XYLB: variants seen among roughly 807,000 people sequenced by gnomAD.
XYLB encodes xylulokinase.
A neutral mutation model predicts 78.7 loss-of-function variants in XYLB; 62 were observed. The observed-to-expected ratio is 0.79, with a 90% CI of 0.64 to 0.97. XYLB has a LOEUF of 0.97. Among genes scored for constraint, XYLB ranks in the 50% least tolerant of loss-of-function variants. XYLB has a pLI of 0.00. For missense variants in XYLB, 687 were observed against 676.8 expected (o/e 1.02, Z -0.17); for synonymous variants, 245 against 247.4 (o/e 0.99, Z 0.09).
intron 2 of XYLB, among the ~76,000 whole-genome samples, chr3:38,357,440 G>A (rs141930021): frequency 0.023 from 3,490 of 150,546 alleles, 134 homozygotes; most frequent in African/African-American, 0.08. Context: ...AGGCTGGAGT[G>A]CAGTGGCGTG....
At chr3:38,349,359 G>T (rs1171828982) in intron 2 of XYLB, among the ~76,000 whole-genome samples, 2 of 152,232 alleles carry the variant, frequency 1.3e-5, no homozygotes, top group Admixed American at 6.5e-5. Context: ...GCCATAAGGG[G>T]TAGGGGTATG....
chr3:38,390,661 C>G (rs1707611640), intron 15 of XYLB, among the ~76,000 whole-genome samples: 1 of 152,018 alleles, frequency 6.6e-6, no homozygotes, highest in Non-Finnish European at 1.5e-5. Flanking sequence ...TAGCTGGGAC[C>G]ACAGGCATGC....
chr3:38,356,730 CAG>C (rs1393745014), intron 2 of XYLB: 1 of 152,174 alleles, frequency 6.6e-6, no homozygotes, highest in Non-Finnish European at 1.5e-5. Flanking sequence ...ATTGATATAT[CAG>C]AGTTTGTTTT....
At chr3:38,407,236 C>G (rs1326074278) in intron 18 of XYLB, among the ~76,000 whole-genome samples, 6 of 149,666 alleles carry the variant, frequency 4.0e-5, no homozygotes, top group African/African-American at 1.2e-4. Context: ...ATTCAACATT[C>G]TTAAAGAAAA....
chr3:38,434,434 G>C, the XYLB span, among the ~76,000 whole-genome samples: 1 of 152,180 alleles, frequency 6.6e-6, no homozygotes, highest in Non-Finnish European at 1.5e-5. Flanking sequence ...AGTGCTGGAA[G>C]AAAAATGTCA....
At chr3:38,393,493 C>A (rs1414930699) in intron 15 of XYLB, among the ~76,000 whole-genome samples, 5 of 152,110 alleles carry the variant, frequency 3.3e-5, no homozygotes, top group Non-Finnish European at 7.4e-5. Flanking sequence ...GTTCTTGGGG[C>A]AGAAAAACTG....
At chr3:38,399,151 G>A (rs1001605193) in intron 17 of XYLB, among the ~76,000 whole-genome samples, 2 of 152,136 alleles carry the variant, frequency 1.3e-5, no homozygotes, top group Admixed American at 6.5e-5. Flanking sequence ...CCAGCCTGGA[G>A]TGCAGTGGCG....
rs774677008 is a variant in XYLB, at chr3:38,370,051, C to T, written c.647-5C>T. On this transcript the variant is annotated splice_region_variant and splice_polypyrimidine_tract_variant and intron_variant, in intron 8 of 18. Coordinates refer to ENST00000207870, the MANE Select transcript of XYLB (RefSeq NM_005108.4). The stretch of plus-strand genomic sequence containing the variant: ...TGTCTGTTGTTTGTTTCCTTCCTTC[C>T]TCAGGTTCTGGAATGAATTTGTTGC... 1.9e-6 allele frequency: 3 copies of T among 1,613,130 alleles called. No homozygotes were observed. Among genetic ancestry groups the T allele is most frequent in the Non-Finnish European group, 1.7e-6 (2 of 1,179,228 alleles).
At chr3:38,381,188 C>T (rs886514284) in intron 15 of XYLB, among the ~76,000 whole-genome samples, 6 of 152,140 alleles carry the variant, frequency 3.9e-5, no homozygotes, top group Non-Finnish European at 7.4e-5. Flanking sequence ...TTATTAGTTC[C>T]CCAAATTAAT....
downstream of XYLB, among the ~76,000 whole-genome samples, chr3:38,419,592 AT>A (rs1559628735): frequency 1.1e-3 from 132 of 119,836 alleles, 8 homozygotes; most frequent in South Asian, 0.019. Context: ...ATATATATAT[AT>A]ATATATATAT....
chr3:38,380,832 C>T (rs73825558), intron 15 of XYLB, among the ~76,000 whole-genome samples: 6,295 of 152,224 alleles, frequency 0.041, 257 homozygotes, highest in African/African-American at 0.11. Flanking sequence ...ATTTGTACAA[C>T]AGGATACTAC....
the XYLB span, among the ~76,000 whole-genome samples, chr3:38,430,131 A>G: frequency 6.6e-6 from 1 of 152,188 alleles, no homozygotes; most frequent in Non-Finnish European, 1.5e-5. Context: ...GAATCACCAC[A>G]CTGTCTTCCA....
At chr3:38,418,666 C>T (rs1011955850), downstream of XYLB, among the ~76,000 whole-genome samples, 7 of 152,130 alleles carry the variant, frequency 4.6e-5, no homozygotes, top group Non-Finnish European at 1.0e-4. Context: ...AAACAAAGGA[C>T]AGTTCTCTAC....
At chr3:38,393,294 C>T (rs774559518) in intron 15 of XYLB, among the ~76,000 whole-genome samples, 16 of 152,294 alleles carry the variant, frequency 1.1e-4, no homozygotes, top group Non-Finnish European at 1.8e-4. Context: ...AGACAACGTG[C>T]TACCATGCCT....
chr3:38,388,341 C>T (rs1489134715), intron 15 of XYLB, among the ~76,000 whole-genome samples: 2 of 151,948 alleles, frequency 1.3e-5, no homozygotes, highest in Non-Finnish European at 1.5e-5. Context: ...TAGTTTATAA[C>T]AGTGTATTGT....
intron 18 of XYLB, among the ~76,000 whole-genome samples, chr3:38,408,821 C>T (rs1448679779): frequency 2.0e-5 from 3 of 152,060 alleles, no homozygotes; most frequent in African/African-American, 7.2e-5. Context: ...ATACACCCTC[C>T]CAAGACTAAA....
rs770572884 is a variant in XYLB, at chr3:38,400,914, C to T, written c.1462C>T (p.Pro488Ser). 10 of 1,614,128 alleles carry T rather than the reference C, an allele frequency of 6.2e-6. No individual in the cohort carries two copies. Among genetic ancestry groups the T allele is most frequent in the Non-Finnish European group, 8.5e-6 (10 of 1,180,012 alleles). Residue 488 changes from proline to serine, a missense_variant, in exon 18 of 19, where the codon CCC becomes TCC. Physicochemically the swap from Pro to Ser is moderately conservative, Grantham distance 74 (BLOSUM62 -1). Transcript: ENST00000207870. The part of the protein sequence containing the change: ...FHGLAGGTDV[P>S]FSEVVKLAPN... ...AGGTCTTGCAGGTGGAACAGATGTG[C>T]CCTTTTCAGAGGTTGTGAAGTTAGC...
chr3:38,438,318 C>T, the XYLB span, among the ~76,000 whole-genome samples: 2 of 151,962 alleles, frequency 1.3e-5, no homozygotes. Context: ...AGTGAAAGAC[C>T]TGTACATGGA....
At chr3:38,392,301 G>C (rs1251567348) in intron 15 of XYLB, among the ~76,000 whole-genome samples, 1 of 152,112 alleles carries the variant, frequency 6.6e-6, no homozygotes, top group East Asian at 1.9e-4. Flanking sequence ...CGATGATTTT[G>C]TTTTGTTTTG....
Sources: gnomAD v4.1 joint callset for allele counts (sites outside exome capture counted in the v4.1 genomes callset) on GRCh38, gnomAD v4.1.1 for gene constraint, MANE v1.5 for transcripts, NCBI Gene and HGNC (gene_info 2026-07-23, HGNC 2026-07-21) for gene names.